TRPM3: variants seen among roughly 807,000 people sequenced by gnomAD.
TRPM3 encodes long transient receptor potential channel 3.
In TRPM3, 77 loss-of-function variants were observed where a neutral mutation model predicts 181.2. The ratio of observed to expected loss-of-function variants is 0.42; its 90% CI spans 0.35 to 0.51. TRPM3 has a LOEUF of 0.51. Ranked by LOEUF, TRPM3 falls within the 20% of genes least tolerant of loss-of-function variation. TRPM3 has a pLI of 0.01. For missense variants in TRPM3, 1,759 were observed against 2,196.7 expected (o/e 0.80, Z 3.98); for synonymous variants, 745 against 796.4 (o/e 0.94, Z 1.09).
At chr9:70,692,687 T>A (rs187887073) in intron 8 of TRPM3, among the ~76,000 whole-genome samples, 83 of 152,360 alleles carry the variant, frequency 5.4e-4, no homozygotes, top group Non-Finnish European at 1.0e-3. Context: ...AGAATGAGTT[T>A]AAGCTCTCGC....
At chr9:70,576,480 TCTC>T (rs760840409) in intron 22 of TRPM3, among the ~76,000 whole-genome samples, 5,643 of 139,766 alleles carry the variant, frequency 0.04, 244 homozygotes, top group African/African-American at 0.11. Context: ...TTCTTCTTCT[TCTC>T]CTCCTCCTCC....
intron 1 of TRPM3, among the ~76,000 whole-genome samples, chr9:71,364,989 T>C (rs1289505702): frequency 1.3e-5 from 2 of 152,200 alleles, no homozygotes; most frequent in Admixed American, 1.3e-4. Flanking sequence ...GTTTTAGCAA[T>C]GTAGACCTGC....
chr9:71,236,421 C>T (rs992856702), intron 1 of TRPM3, among the ~76,000 whole-genome samples: 13 of 152,082 alleles, frequency 8.5e-5, no homozygotes, highest in Non-Finnish European at 1.8e-4. Context: ...ACCCTCTACC[C>T]GCCCCACATT....
chr9:71,428,042 C>A (rs1184024712), intron 1 of TRPM3, among the ~76,000 whole-genome samples: 1 of 152,154 alleles, frequency 6.6e-6, no homozygotes, highest in Non-Finnish European at 1.5e-5. Context: ...AGAAAGTTCA[C>A]AGGCATGGTA....
At chr9:70,818,643 T>C (rs904194236) in intron 6 of TRPM3, among the ~76,000 whole-genome samples, 5 of 152,328 alleles carry the variant, frequency 3.3e-5, no homozygotes, top group Non-Finnish European at 5.9e-5. Context: ...CTGATCTAAT[T>C]TACTTCATGA....
At chr9:70,700,822 G>T (rs1475610100) in intron 8 of TRPM3, among the ~76,000 whole-genome samples, 2 of 152,190 alleles carry the variant, frequency 1.3e-5, no homozygotes, top group African/African-American at 4.8e-5. Flanking sequence ...ACATACAATG[G>T]TTTTGTGAAT....
At chr9:71,032,013 T>G (rs77443778) in intron 1 of TRPM3, among the ~76,000 whole-genome samples, 185 of 544 alleles carry the variant, frequency 0.34, 8 homozygotes, top group African/African-American at 0.38. Context: ...ATATAATATA[T>G]AATATATATA....
intron 1 of TRPM3, among the ~76,000 whole-genome samples, chr9:71,014,146 C>T (rs500549): frequency 0.95 from 144,793 of 152,044 alleles, 69,373 homozygotes; most frequent in East Asian, 1. Context: ...TTGTAAAAAT[C>T]CTGAAATTTT....
chr9:71,410,720 T>C (rs537466362), intron 1 of TRPM3, among the ~76,000 whole-genome samples: 2 of 152,064 alleles, frequency 1.3e-5, no homozygotes, highest in African/African-American at 4.8e-5. Context: ...ACTATTCCAA[T>C]CAATAGAAAA....
chr9:70,739,402 GA>G (rs1475485229), intron 8 of TRPM3, among the ~76,000 whole-genome samples: 4 of 152,078 alleles, frequency 2.6e-5, no homozygotes, highest in Non-Finnish European at 4.4e-5. Flanking sequence ...AATAGATGCA[GA>G]AGAAGTATTT....
chr9:70,946,143 G>A (rs1006250695), intron 1 of TRPM3, among the ~76,000 whole-genome samples: 1 of 152,124 alleles, frequency 6.6e-6, no homozygotes, highest in Non-Finnish European at 1.5e-5. Flanking sequence ...GGTACTCAAA[G>A]AGGTGGTATT....
intron 1 of TRPM3, among the ~76,000 whole-genome samples, chr9:70,969,837 T>C (rs531443976): frequency 1.3e-5 from 2 of 150,258 alleles, no homozygotes; most frequent in African/African-American, 4.9e-5. Context: ...TATTTAAGAA[T>C]AGTGCTTGAT....
chr9:71,263,216 G>A (rs1262878096), intron 1 of TRPM3, among the ~76,000 whole-genome samples: 12 of 151,914 alleles, frequency 7.9e-5, no homozygotes, highest in Non-Finnish European at 5.9e-5. Context: ...CTTCATCTTA[G>A]TTGACTTTGT....
intron 1 of TRPM3, among the ~76,000 whole-genome samples, chr9:71,272,405 A>G (rs1459784699): frequency 6.6e-6 from 1 of 152,186 alleles, no homozygotes; most frequent in Non-Finnish European, 1.5e-5. Flanking sequence ...CACAAAGTCC[A>G]AATATGCCAA....
chr9:71,141,617 T>C (rs773354826), intron 1 of TRPM3, among the ~76,000 whole-genome samples: 2 of 152,220 alleles, frequency 1.3e-5, no homozygotes, highest in African/African-American at 4.8e-5. Flanking sequence ...TGTGATTATC[T>C]GTACAACGTC....
At chr9:71,420,592 G>A (rs1181109811) in intron 1 of TRPM3, among the ~76,000 whole-genome samples, 1 of 137,032 alleles carries the variant, frequency 7.3e-6, no homozygotes, top group African/African-American at 2.7e-5. Context: ...GAAAGAAAAA[G>A]AGAAAGAGAA....
rs12377140 is a variant in TRPM3, at chr9:71,420,721, A to G, written c.183+25932T>C. Among the ~76,000 whole-genome samples, 92 of 76,658 alleles carry G rather than the reference A, an allele frequency of 1.2e-3. 2 individuals are homozygous for G. Among genetic ancestry groups the G allele is most frequent in the South Asian group, 3.6e-3 (7 of 1,932 alleles). The allele number at this position is 76,658 out of a possible 152,430, so 50.3% of individuals were successfully genotyped here. A position where few individuals can be genotyped will look rare whatever the true frequency, so the allele number is the denominator to read the frequency against. On this transcript the variant is annotated intron_variant, in intron 1 of 24. Coordinates refer to the TRPM3 transcript ENST00000357533. The stretch of plus-strand genomic sequence containing the variant: ...AGAAAGAGAGAGAAAGAAAGAGAGA[A>G]AGAGAGAGAGAGAGAAAGAGAGAGA...
At chr9:71,042,804 A>G (rs544554003) in intron 1 of TRPM3, among the ~76,000 whole-genome samples, 48 of 152,350 alleles carry the variant, frequency 3.2e-4, no homozygotes, top group African/African-American at 1.2e-3. Flanking sequence ...TAAGAAAGGA[A>G]AAACGTAATT....
chr9:70,961,934 T>A (rs935378695), intron 1 of TRPM3, among the ~76,000 whole-genome samples: 2 of 152,150 alleles, frequency 1.3e-5, no homozygotes, highest in African/African-American at 4.8e-5. Flanking sequence ...GACTCTAATT[T>A]TTTGAATTAG....
Sources: allele counts gnomAD v4.1 joint callset (sites outside exome capture counted in the v4.1 genomes callset), GRCh38; gene constraint gnomAD v4.1.1; transcripts MANE v1.5; gene names NCBI Gene and HGNC (gene_info 2026-07-23, HGNC 2026-07-21).